SLC9A7: variants seen among roughly 807,000 people sequenced by gnomAD.
SLC9A7 encodes sodium/hydrogen exchanger 7.
In SLC9A7, 19 loss-of-function variants were observed where a neutral mutation model predicts 52.6. The ratio of observed to expected loss-of-function variants is 0.36; its 90% CI spans 0.25 to 0.53. SLC9A7 has a LOEUF of 0.53. SLC9A7 is among the 20% of genes least tolerant of loss of function. The probability of loss-of-function intolerance (pLI) is 0.91; values close to 1 mark genes in which losing one functional copy is unlikely to be tolerated. For missense variants in SLC9A7, 455 were observed against 597.9 expected, an observed-to-expected ratio of 0.76 and a Z score of 2.49; for synonymous variants, 226 against 252.1, an observed-to-expected ratio of 0.90 and a Z score of 0.98.
In SLC9A7 at chrX:46,621,065, A is replaced by G. The variant is rs1395324175; in HGVS notation, c.1741-6T>C. On this transcript the variant is annotated splice_region_variant and splice_polypyrimidine_tract_variant and intron_variant, in intron 14 of 16. Transcript: ENST00000616978. ...CTGGCAGAATCTGGGCCGTCCTAGG[A>G]ACAAACAAGAGGGCACATGCTTAGT... 8.5e-7 allele frequency: 1 copy of G among 1,170,178 alleles called. No individual in the cohort carries two copies. The highest frequency in any genetic ancestry group is 2.2e-5 in the Admixed American group (1 of 45,326).
chrX:46,739,520 C>T (rs1435608751), intron 1 of SLC9A7, among the ~76,000 whole-genome samples: 1 of 110,595 alleles, frequency 9.0e-6, no homozygotes, highest in Admixed American at 9.7e-5. Context: ...GACAGCCCTC[C>T]GACCAGGTCC....
At chrX:46,656,716 A>AT (rs1943701734) in intron 7 of SLC9A7, among the ~76,000 whole-genome samples, 1 of 111,828 alleles carries the variant, frequency 8.9e-6, no homozygotes, top group South Asian at 3.7e-4. Context: ...GAAATATGGG[A>AT]TTATGTGAAA....
At chrX:46,691,981 A>G (rs1348938683) in intron 1 of SLC9A7, among the ~76,000 whole-genome samples, 1 of 111,609 alleles carries the variant, frequency 9.0e-6, no homozygotes, top group East Asian at 2.8e-4. Context: ...TTAGCAAAAC[A>G]CATAATGATA....
At position 46,631,634 on chromosome X, in the gene SLC9A7, G is replaced by A. The variant is rs778971202; in HGVS notation, c.1692C>T (p.Pro564=). ...CGTTGTTGGGTGGTGGGTCTTGATC[G>A]GGGTCAACACCAACTCTGAAAGTCA... ...HWQYFRVGVD[P]DQDPPPNNDS... The change falls in exon 14 of 17, where the codon CCC becomes CCT. Residue 564 remains proline, a synonymous_variant. Transcript: ENST00000616978. 9 of 1,208,097 alleles carry A rather than the reference G, an allele frequency of 7.4e-6. No individual in the cohort carries two copies. Among genetic ancestry groups the A allele is most frequent in the Middle Eastern group, 2.3e-4 (1 of 4,346 alleles).
intron 4 of SLC9A7, among the ~76,000 whole-genome samples, chrX:46,670,575 AC>A (rs1260435328): frequency 1.8e-5 from 2 of 111,129 alleles, no homozygotes; most frequent in Admixed American, 9.6e-5. Flanking sequence ...AGTAAAAATA[AC>A]CATGGACTTG....
At chrX:46,754,908 A>G (rs1416446674) in intron 1 of SLC9A7, among the ~76,000 whole-genome samples, 3 of 112,486 alleles carry the variant, frequency 2.7e-5, no homozygotes, top group African/African-American at 9.7e-5. Flanking sequence ...GGGCCCAGTA[A>G]CTTTAGGATG....
At chrX:46,683,267 A>C (rs1358822369) in intron 1 of SLC9A7, among the ~76,000 whole-genome samples, 1 of 111,289 alleles carries the variant, frequency 9.0e-6, no homozygotes, top group Non-Finnish European at 1.9e-5. Flanking sequence ...CCCTCAAGCC[A>C]GTCCTGTTGC....
chrX:46,697,743 G>A (rs1437275132), intron 1 of SLC9A7, among the ~76,000 whole-genome samples: 1 of 112,222 alleles, frequency 8.9e-6, no homozygotes, highest in African/African-American at 3.2e-5. Context: ...CAGGATAACA[G>A]CAATGTTTAG....
intron 11 of SLC9A7, 112 bp downstream of exon 11, chrX:46,648,574 G>A (rs1157321400): frequency 1.6e-5 from 9 of 565,258 alleles, no homozygotes; most frequent in African/African-American, 6.9e-5. Context: ...GGATACAAAC[G>A]GACCAGAAAC....
intron 7 of SLC9A7, among the ~76,000 whole-genome samples, chrX:46,658,975 C>T (rs1370098199): frequency 1.8e-5 from 2 of 111,326 alleles, no homozygotes; most frequent in Admixed American, 9.6e-5. Context: ...AAATCCTCAG[C>T]AAAATACTGG....
intron 1 of SLC9A7, among the ~76,000 whole-genome samples, chrX:46,707,268 C>T (rs1944618579): frequency 8.9e-6 from 1 of 112,220 alleles, no homozygotes; most frequent in East Asian, 2.8e-4. Flanking sequence ...AATGAGATTT[C>T]CCTGATATCA....
intron 1 of SLC9A7, among the ~76,000 whole-genome samples, chrX:46,743,424 G>C (rs894840741): frequency 8.9e-6 from 1 of 112,299 alleles, no homozygotes; most frequent in African/African-American, 3.2e-5. Flanking sequence ...AAGAACGCCT[G>C]ATCAGCCCTC....
At chrX:46,745,939 C>CAGAAATT (rs747596785) in intron 1 of SLC9A7, among the ~76,000 whole-genome samples, 20 of 107,505 alleles carry the variant, frequency 1.9e-4, no homozygotes, top group South Asian at 3.9e-4. Flanking sequence ...AGTAAAGAGA[C>CAGAAATT]AGAAATTATA....
chrX:46,632,010 G>T (rs1943230781), intron 13 of SLC9A7, among the ~76,000 whole-genome samples: 1 of 111,734 alleles, frequency 8.9e-6, no homozygotes, highest in South Asian at 3.7e-4. Flanking sequence ...CCTCACTTCT[G>T]CCCTGGCCTG....
intron 1 of SLC9A7, among the ~76,000 whole-genome samples, chrX:46,745,642 G>A (rs973421123): frequency 3.6e-5 from 4 of 110,785 alleles, no homozygotes; most frequent in Non-Finnish European, 7.6e-5. Flanking sequence ...AGGAGTCCAA[G>A]ACCAGCCTAG....
At chrX:46,615,365 G>C (rs950843763) in intron 15 of SLC9A7, among the ~76,000 whole-genome samples, 1 of 111,622 alleles carries the variant, frequency 9.0e-6, no homozygotes, top group South Asian at 3.7e-4. Flanking sequence ...CGCGGAACCA[G>C]CTCCCCTTTG....
At chrX:46,750,794 T>C (rs1426661623) in intron 1 of SLC9A7, among the ~76,000 whole-genome samples, 1 of 112,470 alleles carries the variant, frequency 8.9e-6, no homozygotes, top group Non-Finnish European at 1.9e-5. Flanking sequence ...ATAGTGAATG[T>C]TTTTGAAGGG....
At chrX:46,757,998 G>C (rs1019740148) in intron 1 of SLC9A7, among the ~76,000 whole-genome samples, 4 of 111,581 alleles carry the variant, frequency 3.6e-5, no homozygotes, top group Non-Finnish European at 5.6e-5. Context: ...ACCGTCTTAG[G>C]AATACAAAAG....
Position 46,745,549 on chromosome X carries a change from T to C in SLC9A7, c.325+13156A>G, listed in dbSNP as rs60472132. Among the ~76,000 whole-genome samples, 529 of 112,184 alleles carry C rather than the reference T, an allele frequency of 4.7e-3. 1 individual carries two copies. Among genetic ancestry groups the C allele is most frequent in the African/African-American group, 0.016 (494 of 30,904 alleles). On this transcript the variant is annotated intron_variant, in intron 1 of 16. Transcript: ENST00000616978. ...AAAACTTTAAATCAGCTGTCTTAAA[T>C]ATGCTTAATGAATGAAAGGCAGTGG...
Sources: gnomAD v4.1 joint callset for allele counts (sites outside exome capture counted in the v4.1 genomes callset) on GRCh38, gnomAD v4.1.1 for gene constraint, MANE v1.5 for transcripts, NCBI Gene and HGNC (gene_info 2026-07-23, HGNC 2026-07-21) for gene names.